The following C3orf20 variants were observed in gnomAD, a reference collection of about 807,000 sequenced individuals.
C3orf20 encodes the protein uncharacterized protein C3orf20.
In C3orf20, 76 loss-of-function variants were observed where a neutral mutation model predicts 88.3. That is an observed-to-expected ratio of 0.86 (90% CI 0.72 to 1.04). The LOEUF (loss-of-function observed/expected upper bound fraction) is 1.04. Among genes scored for constraint, C3orf20 ranks in the 50% least tolerant of loss-of-function variants. The probability of loss-of-function intolerance (pLI) is 0.00; values close to 1 mark genes in which losing one functional copy is unlikely to be tolerated. For missense variants in C3orf20, 1,056 were observed against 1,123.3 expected (o/e 0.94, Z 0.86); for synonymous variants, 436 against 437.4 (o/e 1.00, Z 0.04).
intron 12 of C3orf20, among the ~76,000 whole-genome samples, chr3:14,753,312 G>A (rs2035271456): frequency 6.6e-6 from 1 of 152,124 alleles, no homozygotes; most frequent in Non-Finnish European, 1.5e-5. Flanking sequence ...CATAGGGAGG[G>A]GAACATCACA....
intron 5 of C3orf20, among the ~76,000 whole-genome samples, chr3:14,693,826 T>G (rs915820560): frequency 7.9e-5 from 12 of 152,334 alleles, no homozygotes; most frequent in African/African-American, 2.9e-4. Flanking sequence ...TAGGTATGAA[T>G]CTGTCATATA....
intron 9 of C3orf20, among the ~76,000 whole-genome samples, chr3:14,718,337 T>G (rs544557462): frequency 6.6e-6 from 1 of 152,298 alleles, no homozygotes; most frequent in African/African-American, 2.4e-5. Flanking sequence ...GATAATAATA[T>G]AATAATTTAA....
intron 7 of C3orf20, among the ~76,000 whole-genome samples, chr3:14,712,732 A>C (rs1433636816): frequency 6.6e-6 from 1 of 152,174 alleles, no homozygotes; most frequent in Non-Finnish European, 1.5e-5. Flanking sequence ...TATATAGTTA[A>C]CTTTACCAGT....
At chr3:14,722,370 T>C in intron 10 of C3orf20, 1 of 425,008 alleles carries the variant, frequency 2.4e-6, no homozygotes, top group Non-Finnish European at 4.7e-6. Context: ...TCCCATTGAC[T>C]AGGCTTGAGG....
Position 14,682,649 on chromosome 3 carries a change from T to G in C3orf20, c.-65T>G. 1 of 1,538,724 alleles carries G rather than the reference T, an allele frequency of 6.5e-7. No homozygotes were observed. Among genetic ancestry groups the G allele is most frequent in the South Asian group, 1.3e-5 (1 of 78,370 alleles). ...TCTGTCCATCTCCAAGCCTTCACCG[T>G]AGGGAAGAACTTTTGCTCTCAGTCA... On this transcript the variant is annotated 5_prime_UTR_variant, in exon 3 of 17. The change abolishes the stop of an existing upstream ORF in the 5' untranslated region. Transcript: ENST00000253697.
Position 14,682,949 on chromosome 3 carries a change from T to A in C3orf20, c.236T>A (p.Val79Glu). ...GTCAGCTTTGGAGCCCCCCTGGTGG[T>A]GCTCATGGAACCCACCTTTGTGCAG... is the stretch of plus-strand genomic sequence containing the variant. ...LEVSFGAPLV[V>E]LMEPTFVQVP... is the part of the protein sequence containing the mutation. The change falls in exon 3 of 17, where the codon GTG becomes GAG. Residue 79 changes from valine (V) to glutamate (E), a missense_variant. Coordinates refer to ENST00000253697, the MANE Select transcript of C3orf20 (RefSeq NM_032137.5). The A allele has an allele frequency of 1.2e-6, 2 of 1,614,136 alleles. No individual in the cohort carries two copies. The highest frequency in any genetic ancestry group is 8.5e-7 in the Non-Finnish European group (1 of 1,180,014).
intron 9 of C3orf20, among the ~76,000 whole-genome samples, chr3:14,721,402 G>T (rs570223811): frequency 6.6e-6 from 1 of 152,352 alleles, no homozygotes; most frequent in East Asian, 1.9e-4. Context: ...TTCACAGTGG[G>T]TTTCATGCTT....
chr3:14,691,153 AAT>A (rs777646487), intron 5 of C3orf20, among the ~76,000 whole-genome samples: 1 of 152,232 alleles, frequency 6.6e-6, no homozygotes, highest in Non-Finnish European at 1.5e-5. Flanking sequence ...TAAGACAGAA[AAT>A]GCCTTGCTTA....
rs1210754126 is a variant in C3orf20, at chr3:14,704,321, C to T, written c.879-16C>T. ...AACCAAAAGGCTAGACAATATATTG[C>T]TCTCCTTCTCTGCAGAGAAGCTGAA... On this transcript the variant is annotated splice_polypyrimidine_tract_variant and intron_variant, in intron 6 of 16. Transcript: ENST00000253697. The T allele has an allele frequency of 1.2e-6, 2 of 1,613,262 alleles. No homozygotes were observed. Among genetic ancestry groups the T allele is most frequent in the East Asian group, 2.2e-5 (1 of 44,872 alleles).
chr3:14,723,822 ATTTTATTTTATTTTATTTTATT>A (rs1188091395), intron 10 of C3orf20, among the ~76,000 whole-genome samples: 1 of 99,782 alleles, frequency 1.0e-5, no homozygotes, highest in Non-Finnish European at 2.2e-5. Context: ...ATTTTATTTT[ATTTTATTTTATTTTATTTTATT>A]GAGACCAAGC....
At position 14,714,126 on chromosome 3, in the gene C3orf20, G is replaced by A. The variant is rs1170244544; in HGVS notation, c.1280G>A (p.Gly427Asp). ...FSLLALFNTE[G>D]QGCVHYNLKT... is the part of the protein sequence containing the mutation. ...TTGCTGGCCCTATTCAATACTGAAG[G>A]CCAGGGCTGTGTTCACTACAACCTA... Residue 427 changes from glycine (G) to aspartate (D), a missense_variant, in exon 8 of 17, where the codon GGC becomes GAC. Coordinates refer to ENST00000253697, the MANE Select transcript of C3orf20 (RefSeq NM_032137.5). The A allele has an allele frequency of 8.7e-6, 14 of 1,614,022 alleles. No homozygotes were observed. Among genetic ancestry groups the A allele is most frequent in the Non-Finnish European group, 1.1e-5 (13 of 1,180,016 alleles).
intron 1 of C3orf20, among the ~76,000 whole-genome samples, chr3:14,676,512 A>C (rs997445164): frequency 6.6e-6 from 1 of 152,196 alleles, no homozygotes; most frequent in East Asian, 1.9e-4. Flanking sequence ...CTAATAGTTC[A>C]TCAGCTTAAT....
At chr3:14,710,963 G>T in intron 7 of C3orf20, among the ~76,000 whole-genome samples, 1 of 150,766 alleles carries the variant, frequency 6.6e-6, no homozygotes, top group East Asian at 1.9e-4. Context: ...GCGCAATCTT[G>T]GCTGGCTGCA....
intron 7 of C3orf20, among the ~76,000 whole-genome samples, chr3:14,708,616 G>A (rs2033617896): frequency 1.3e-5 from 2 of 152,148 alleles, no homozygotes; most frequent in African/African-American, 2.4e-5. Flanking sequence ...ACTTTGGGGA[G>A]TAATACCATT....
intron 15 of C3orf20, 101 bp downstream of exon 15, chr3:14,761,716 G>A: frequency 7.7e-7 from 1 of 1,296,658 alleles, no homozygotes; most frequent in Non-Finnish European, 1.1e-6. Flanking sequence ...GAGCAGGCGG[G>A]GCTGAAGGGA....
rs1158834296 is a variant in C3orf20, at chr3:14,690,073, G to A, written c.702G>A (p.Leu234=). The stretch of plus-strand genomic sequence containing the variant: ...TCTACCACTCTTCCACAGCCTGTCT[G>A]AGCTTTTCTCTCTCTGCTGGAAAAG... The part of the protein sequence containing the change: ...QLIYHSSTAC[L]SFSLSAGKEA... The change falls in exon 5 of 17, where the codon CTG becomes CTA. Residue 234 remains leucine, a synonymous_variant. Transcript: ENST00000253697. 1 of 1,614,210 alleles carries A rather than the reference G, an allele frequency of 6.2e-7. No homozygotes were observed. Among genetic ancestry groups the A allele is most frequent in the South Asian group, 1.1e-5 (1 of 91,084 alleles).
rs1486824030 is a variant in C3orf20 at position 14,768,046 on chromosome 3, C to A, written c.2496-4021C>A. On this transcript the variant is annotated intron_variant, in intron 15 of 16. Transcript: ENST00000253697. The surrounding 1 kb of genome is among the most constrained non-coding windows in gnomAD (Gnocchi z 4.1). ...ATGTGAGCCTCAAGAGGCTTTGTATCCTGTAACATGCTATCCAGATGGGAG... is the reference window on the plus strand; with the variant it reads ...ATGTGAGCCTCAAGAGGCTTTGTATACTGTAACATGCTATCCAGATGGGAG... Among the ~76,000 whole-genome samples the A allele has an allele frequency of 2.0e-5, 3 of 152,234 alleles. No homozygotes were observed. Among genetic ancestry groups the A allele is most frequent in the Non-Finnish European group, 4.4e-5 (3 of 68,038 alleles).
intron 4 of C3orf20, among the ~76,000 whole-genome samples, chr3:14,688,803 A>G (rs2032574421): frequency 6.6e-6 from 1 of 152,118 alleles, no homozygotes; most frequent in South Asian, 2.1e-4. Context: ...ATGTATATAT[A>G]TATATTTAGA....
At chr3:14,727,058 T>A in intron 11 of C3orf20, 34 bp downstream of exon 11, 1 of 1,613,198 alleles carries the variant, frequency 6.2e-7, no homozygotes, top group Non-Finnish European at 8.5e-7. Flanking sequence ...AAGGCCTATC[T>A]GTTGGCTTCC....
Sources: gnomAD v4.1 joint callset for allele counts (sites outside exome capture counted in the v4.1 genomes callset) on GRCh38, gnomAD v4.1.1 for gene constraint, Gnocchi (gnomAD v3.1) non-coding constraint, MANE v1.5 for transcripts, NCBI Gene and HGNC (gene_info 2026-07-23, HGNC 2026-07-21) for gene names.